ARL15: variants seen among roughly 807,000 people sequenced by gnomAD.
ARL15 encodes ARF like GTPase 15.
A neutral mutation model predicts 25.2 loss-of-function variants in ARL15; 19 were observed. The observed-to-expected ratio is 0.75, with a 90% CI of 0.53 to 1.10. The LOEUF (loss-of-function observed/expected upper bound fraction) is 1.10, where lower values mean the gene tolerates loss of function less well. Among genes scored for constraint, ARL15 ranks in the 50% least tolerant of loss-of-function variants. The probability of loss-of-function intolerance (pLI) is 0.00; values close to 1 mark genes in which losing one functional copy is unlikely to be tolerated. For missense variants in ARL15, 220 were observed against 246.0 expected (o/e 0.89, Z 0.71); for synonymous variants, 94 against 86.8 (o/e 1.08, Z -0.46).
chr5:53,939,978 CTT>C (rs11344083), intron 4 of ARL15, among the ~76,000 whole-genome samples: 127 of 121,834 alleles, frequency 1.0e-3, no homozygotes, highest in African/African-American at 1.9e-3. Context: ...AAGTCCTGAA[CTT>C]TTTTTTTTTT....
intron 4 of ARL15, among the ~76,000 whole-genome samples, chr5:54,017,256 T>A (rs1244499800): frequency 6.6e-6 from 1 of 152,194 alleles, no homozygotes; most frequent in Non-Finnish European, 1.5e-5. Flanking sequence ...TTCACTCACA[T>A]GCAAACATGT....
At chr5:54,238,732 G>A (rs1756876454) in intron 1 of ARL15, among the ~76,000 whole-genome samples, 4 of 152,340 alleles carry the variant, frequency 2.6e-5, no homozygotes, top group Admixed American at 1.3e-4. Context: ...AAAGGAAACA[G>A]ATCAGGTTGT....
chr5:54,015,490 A>G (rs1749400092), intron 4 of ARL15, among the ~76,000 whole-genome samples: 2 of 152,170 alleles, frequency 1.3e-5, no homozygotes, highest in South Asian at 2.1e-4. Flanking sequence ...TATTAAGCTG[A>G]ACATCAGGCA....
At chr5:54,262,637 T>C (rs1435532122) in intron 1 of ARL15, among the ~76,000 whole-genome samples, 1 of 152,162 alleles carries the variant, frequency 6.6e-6, no homozygotes, top group Non-Finnish European at 1.5e-5. Flanking sequence ...CTCTATTAAG[T>C]AAAATAATGG....
chr5:54,247,500 A>G (rs1488797399), intron 1 of ARL15, among the ~76,000 whole-genome samples: 1 of 151,968 alleles, frequency 6.6e-6, no homozygotes, highest in Non-Finnish European at 1.5e-5. Context: ...AAAACAAAAA[A>G]CAAATGTCAC....
chr5:53,950,195 G>T (rs999672605), intron 4 of ARL15, among the ~76,000 whole-genome samples: 25 of 151,522 alleles, frequency 1.6e-4, no homozygotes, highest in Middle Eastern at 3.2e-3. Context: ...CTGAGAGGCT[G>T]AGGTGAGAGA....
At chr5:53,997,846 A>C (rs190822388) in intron 4 of ARL15, among the ~76,000 whole-genome samples, 10 of 152,278 alleles carry the variant, frequency 6.6e-5, no homozygotes, top group Admixed American at 6.5e-4. Flanking sequence ...TAAAACCACT[A>C]ATCTATTTCC....
intron 4 of ARL15, among the ~76,000 whole-genome samples, chr5:54,098,955 C>T (rs529592932): frequency 4.6e-5 from 7 of 152,216 alleles, no homozygotes; most frequent in African/African-American, 1.2e-4. Context: ...AGAGTTGGTG[C>T]GACATACACT....
chr5:54,095,526 T>C (rs189943149), intron 4 of ARL15, among the ~76,000 whole-genome samples: 24 of 152,266 alleles, frequency 1.6e-4, no homozygotes, highest in African/African-American at 5.5e-4. Context: ...CCAGGAAAGC[T>C]TAGGGAGGAA....
At chr5:54,287,849 T>C (rs1758221694) in intron 1 of ARL15, among the ~76,000 whole-genome samples, 1 of 152,260 alleles carries the variant, frequency 6.6e-6, no homozygotes, top group Middle Eastern at 3.4e-3. Flanking sequence ...TTAGCCTTAG[T>C]AGCTGACCAA....
At chr5:53,904,398 G>A (rs1244957249) in intron 4 of ARL15, among the ~76,000 whole-genome samples, 3 of 152,172 alleles carry the variant, frequency 2.0e-5, no homozygotes, top group Non-Finnish European at 4.4e-5. Context: ...ATATGAACTT[G>A]AGAATTTCTA....
chr5:54,103,656 C>T (rs555215775), intron 4 of ARL15, among the ~76,000 whole-genome samples: 6 of 152,244 alleles, frequency 3.9e-5, no homozygotes, highest in Non-Finnish European at 7.4e-5. Context: ...CAGTCTATTA[C>T]ATGTACCGTT....
chr5:54,125,705 G>T (rs546107467), intron 3 of ARL15, among the ~76,000 whole-genome samples: 1 of 152,286 alleles, frequency 6.6e-6, no homozygotes, highest in South Asian at 2.1e-4. Context: ...GAACTGCTGG[G>T]TCAAATGTTA....
intron 3 of ARL15, among the ~76,000 whole-genome samples, chr5:54,147,899 TG>T (rs1325619181): frequency 3.3e-5 from 5 of 152,280 alleles, no homozygotes; most frequent in Admixed American, 3.3e-4. Context: ...CTTTGCAGTG[TG>T]GCATGAGTCT....
chr5:53,939,935 AC>A (rs1249198701), intron 4 of ARL15, among the ~76,000 whole-genome samples: 2 of 151,942 alleles, frequency 1.3e-5, no homozygotes, highest in African/African-American at 4.8e-5. Flanking sequence ...AACAACAACA[AC>A]AACAAACAAC....
rs532524780 is a variant in ARL15, at chr5:54,044,738, G to T, written c.462+68464C>A. On this transcript the variant is annotated intron_variant, in intron 4 of 4. Coordinates refer to ENST00000504924, the MANE Select transcript of ARL15 (RefSeq NM_019087.3). ...GTTTTTTGTGTGCCTTTAAATACTG[G>T]TCTATATATTGTTTGCAAAATTGTG... Among the ~76,000 whole-genome samples, 8 of 152,138 alleles carry T rather than the reference G, an allele frequency of 5.3e-5. 1 individual carries two copies. In the South Asian group the frequency reaches 1.7e-3, roughly 32 times the overall value.
chr5:54,197,215 A>G (rs1755575711), intron 1 of ARL15, among the ~76,000 whole-genome samples: 1 of 152,118 alleles, frequency 6.6e-6, no homozygotes, highest in Non-Finnish European at 1.5e-5. Context: ...CAAGAACACA[A>G]TGTTATCTGG....
intron 2 of ARL15, among the ~76,000 whole-genome samples, chr5:54,156,584 T>C (rs866543638): frequency 6.6e-6 from 1 of 152,184 alleles, no homozygotes; most frequent in African/African-American, 2.4e-5. Context: ...AAGTATGTAG[T>C]TGGAGATGTA....
In ARL15 at chr5:54,146,853, G is replaced by T. The variant is rs945410809; in HGVS notation, c.253+7727C>A. 3.9e-5 allele frequency among the ~76,000 whole-genome samples: 6 copies of T among 152,252 alleles called. No individual in the cohort carries two copies. In the East Asian group the frequency reaches 1.2e-3, roughly 29 times the overall value. On this transcript the variant is annotated intron_variant, in intron 3 of 4. Transcript: ENST00000504924. ...ACCCTTAAGTGCTATACTAGACTAT[G>T]ACTGGGAAGATAAATTTTTTAAAAT...
Sources: allele counts gnomAD v4.1 joint callset (sites outside exome capture counted in the v4.1 genomes callset), GRCh38; gene constraint gnomAD v4.1.1; transcripts MANE v1.5; gene names NCBI Gene and HGNC (gene_info 2026-07-23, HGNC 2026-07-21).